The following ERBIN variants were observed in gnomAD, a reference collection of about 807,000 sequenced individuals.
The protein encoded by ERBIN is erbb2 interacting protein, also known as densin-180-like protein.
ERBIN carries 60 observed loss-of-function variants against 158.4 expected under a neutral mutation model. The observed-to-expected ratio is 0.38, with a 90% CI of 0.31 to 0.47. The LOEUF is 0.47. Among genes scored for constraint, ERBIN ranks in the 20% least tolerant of loss-of-function variants. The pLI is 0.99. For missense variants in ERBIN, 1,610 were observed against 1,648.0 expected (o/e 0.98, Z 0.40); for synonymous variants, 594 against 557.2 (o/e 1.07, Z -0.93).
rs1491103989 is a variant in ERBIN, at chr5:66,018,572, T to TA, written c.534-2750_534-2749insA. On this transcript the variant is annotated intron_variant, in intron 7 of 25. Coordinates refer to ENST00000284037, the MANE Select transcript of ERBIN (RefSeq NM_001253697.2). ...TATATATTATATAATATATATTATATTATATAATATATATTATATAATATA... is the reference window on the plus strand; with the variant it reads ...TATATATTATATAATATATATTATATATATATAATATATATTATATAATATA... 1.1e-3 allele frequency among the ~76,000 whole-genome samples: 32 copies of TA among 29,844 alleles called. 12 individuals carry two copies. Among genetic ancestry groups the TA allele is most frequent in the African/African-American group, 8.0e-3 (31 of 3,890 alleles). The allele number at this position is 29,844 out of a possible 152,430, so 19.6% of individuals were successfully genotyped here.
At position 66,075,054 on chromosome 5, in the gene ERBIN, C is replaced by T; in HGVS notation, c.3787C>T (p.Pro1263Ser). 1 of 1,614,080 alleles carries T rather than the reference C, an allele frequency of 6.2e-7. No individual in the cohort carries two copies. Among genetic ancestry groups the T allele is most frequent in the Non-Finnish European group, 8.5e-7 (1 of 1,180,010 alleles). ...TTTGAGTAATGGACAGATGGGCCAGCCTCTCAGGCCTCAGGCAAATTATAG... is the reference window on the plus strand; with the variant it reads ...TTTGAGTAATGGACAGATGGGCCAGTCTCTCAGGCCTCAGGCAAATTATAG... Reference protein sequence around the residue: ...MPLSNGQMGQPLRPQANYSQI... With the variant: ...MPLSNGQMGQSLRPQANYSQI... Residue 1263 changes from proline (P) to serine (S), a missense_variant, in exon 23 of 26, where the codon CCT (proline) becomes TCT (serine). Around this residue, in one of 2 missense-constraint regions of ERBIN, gnomAD observed 1,014 missense variants for 936.1 expected, o/e 1.08. Transcript: ENST00000284037.
At chr5:65,940,389 G>A (rs1367034700) in intron 1 of ERBIN, among the ~76,000 whole-genome samples, 3 of 145,134 alleles carry the variant, frequency 2.1e-5, no homozygotes, top group Non-Finnish European at 3.0e-5. Flanking sequence ...ATCTCCGCCC[G>A]GCAGCCACCT....
intron 1 of ERBIN, among the ~76,000 whole-genome samples, chr5:65,942,770 C>T (rs1745216322): frequency 6.6e-6 from 1 of 152,062 alleles, no homozygotes; most frequent in African/African-American, 2.4e-5. Context: ...ACTAAAAATA[C>T]AAAAATTAGC....
At chr5:66,022,907 C>A (rs1447336282) in intron 8 of ERBIN, 1 of 155,248 alleles carries the variant, frequency 6.4e-6, no homozygotes, top group African/African-American at 2.4e-5. Context: ...GCTGTATCTT[C>A]TTACTGATAA....
chr5:65,942,319 T>A (rs1745153897), intron 1 of ERBIN, among the ~76,000 whole-genome samples: 1 of 152,164 alleles, frequency 6.6e-6, no homozygotes, highest in Non-Finnish European at 1.5e-5. Flanking sequence ...ATACCAGCAT[T>A]TTCCTAGGTA....
intron 1 of ERBIN, among the ~76,000 whole-genome samples, chr5:65,949,270 A>C (rs1746207091): frequency 1.3e-5 from 2 of 152,180 alleles, no homozygotes; most frequent in East Asian, 3.8e-4. Flanking sequence ...AGACCCCTGA[A>C]AATACTAAAG....
Position 66,079,629 on chromosome 5 carries a change from A to G in ERBIN, c.*1099A>G, listed in dbSNP as rs1267942262. ...AGGAAACCAAAGCAAGCTTTGTGAA[A>G]CTGGCACAGTGATAGAGAATTGCTG... On this transcript the variant is annotated 3_prime_UTR_variant, in exon 26 of 26. Transcript: ENST00000284037. The G allele has an allele frequency of 6.6e-6, 1 of 152,618 alleles. No individual in the cohort carries two copies. The highest frequency in any genetic ancestry group is 2.4e-5 in the African/African-American group (1 of 41,450). 9.5% of individuals were successfully genotyped at this position (152,618 alleles called of 1,614,324 possible).
At chr5:65,931,968 G>A (rs980837272) in intron 1 of ERBIN, among the ~76,000 whole-genome samples, 3 of 151,920 alleles carry the variant, frequency 2.0e-5, no homozygotes, top group East Asian at 3.9e-4. Context: ...ACAGGCATGC[G>A]CCACCATGTC....
chr5:66,011,712 C>T (rs774687057), intron 4 of ERBIN, among the ~76,000 whole-genome samples: 4 of 150,682 alleles, frequency 2.7e-5, no homozygotes, highest in Admixed American at 6.6e-5. Flanking sequence ...TAATGAAAAA[C>T]GGTCCTTTTT....
intron 12 of ERBIN, 104 bp downstream of exon 12, chr5:66,026,081 G>A: frequency 9.6e-7 from 1 of 1,037,562 alleles, no homozygotes. Flanking sequence ...TTCTAAAATA[G>A]TTTTCAAGTT....
intron 1 of ERBIN, among the ~76,000 whole-genome samples, chr5:65,935,308 T>C (rs1401136641): frequency 6.6e-6 from 1 of 152,198 alleles, no homozygotes; most frequent in Non-Finnish European, 1.5e-5. Flanking sequence ...TGCATATTTC[T>C]ATAATGCAAT....
intron 18 of ERBIN, among the ~76,000 whole-genome samples, chr5:66,047,282 G>C (rs760321322): frequency 6.6e-6 from 1 of 152,022 alleles, no homozygotes; most frequent in African/African-American, 2.4e-5. Context: ...TCAAGTTTTT[G>C]TATGTTATAG....
intron 4 of ERBIN, among the ~76,000 whole-genome samples, chr5:66,001,704 A>G (rs12657811): frequency 2.6e-5 from 4 of 152,166 alleles, no homozygotes; most frequent in East Asian, 1.9e-4. Flanking sequence ...TTTACAGTCT[A>G]TGATAAAACT....
intron 1 of ERBIN, among the ~76,000 whole-genome samples, chr5:65,927,215 A>T (rs550100313): frequency 6.6e-6 from 1 of 152,094 alleles, no homozygotes. Flanking sequence ...ATTTGCTGTT[A>T]TTGAGATGGC....
intron 1 of ERBIN, among the ~76,000 whole-genome samples, chr5:65,971,041 G>C (rs533179794): frequency 4.6e-5 from 7 of 152,240 alleles, no homozygotes; most frequent in African/African-American, 1.7e-4. Flanking sequence ...AGCCAAATAT[G>C]GTCATTCAAC....
intron 4 of ERBIN, among the ~76,000 whole-genome samples, chr5:66,008,776 A>G (rs1319205581): frequency 6.6e-6 from 1 of 152,196 alleles, no homozygotes; most frequent in East Asian, 1.9e-4. Context: ...GCCAGTGAGA[A>G]CTGTATAGAA....
chr5:66,030,638 C>CTGGAAT (rs922159596), intron 14 of ERBIN, among the ~76,000 whole-genome samples: 2 of 149,744 alleles, frequency 1.3e-5, no homozygotes, highest in Non-Finnish European at 3.0e-5. Context: ...TTAAGACTCA[C>CTGGAAT]TGGAATCTTC....
At chr5:66,049,758 T>G (rs538232571) in intron 19 of ERBIN, among the ~76,000 whole-genome samples, 13 of 152,098 alleles carry the variant, frequency 8.5e-5, no homozygotes, top group Non-Finnish European at 1.3e-4. Context: ...TATACACTAT[T>G]TCTGTGATTT....
intron 22 of ERBIN, among the ~76,000 whole-genome samples, chr5:66,072,785 A>C (rs1274650951): frequency 6.6e-6 from 1 of 152,182 alleles, no homozygotes; most frequent in Non-Finnish European, 1.5e-5. Context: ...ATGTATGGCC[A>C]GTGCCAGACA....
Sources: allele counts gnomAD v4.1 joint callset (sites outside exome capture counted in the v4.1 genomes callset), GRCh38; gene constraint gnomAD v4.1.1; regional missense constraint gnomAD v4.1.1; transcripts MANE v1.5; gene names NCBI Gene and HGNC (gene_info 2026-07-23, HGNC 2026-07-21).